PCSK5: variants seen among roughly 807,000 people sequenced by gnomAD.
PCSK5 encodes proprotein convertase subtilisin/kexin type 5, also known as prohormone convertase 5.
Under a neutral mutation model 233.2 loss-of-function variants are expected in PCSK5, and 129 were observed. That is an observed-to-expected ratio of 0.55 (90% CI 0.48 to 0.64). The LOEUF is 0.64. PCSK5 is among the 30% of genes least tolerant of loss of function. PCSK5 has a pLI of 0.00. For synonymous variants in PCSK5, 825 were observed against 879.2 expected (o/e 0.94, Z 1.09); for missense variants, 2,076 against 2,430.1 (o/e 0.85, Z 3.06).
chr9:76,282,107 A>T (rs1327291787), intron 24 of PCSK5, among the ~76,000 whole-genome samples: 10 of 45,606 alleles, frequency 2.2e-4, no homozygotes, highest in Admixed American at 7.9e-4. Context: ...GGAGTGCACC[A>T]TTCTTTTCTT....
intron 10 of PCSK5, among the ~76,000 whole-genome samples, chr9:76,144,818 TAG>T (rs1438034244): frequency 6.6e-6 from 1 of 152,204 alleles, no homozygotes; most frequent in Non-Finnish European, 1.5e-5. Flanking sequence ...TCAGTGTTAC[TAG>T]AGTCAAATAA....
intron 20 of PCSK5, among the ~76,000 whole-genome samples, chr9:76,203,742 T>A (rs1000980102): frequency 6.6e-6 from 1 of 152,194 alleles, no homozygotes; most frequent in African/African-American, 2.4e-5. Flanking sequence ...TAACTTGTGA[T>A]GGCAGCAGTG....
At chr9:76,338,205 A>T (rs748534482) in intron 34 of PCSK5, 25 bp from the exon 35 acceptor site, 35 of 1,556,452 alleles carry the variant, frequency 2.2e-5, no homozygotes, top group Non-Finnish European at 2.8e-5. Flanking sequence ...TTACTATTCC[A>T]TCTTTTCTTC....
In PCSK5 at chr9:76,137,118, A is replaced by T. The variant is rs61212674; in HGVS notation, c.1312+2906A>T. Among the ~76,000 whole-genome samples the T allele has an allele frequency of 2.6e-5, 4 of 152,174 alleles. No homozygotes were observed. In the South Asian group the frequency reaches 8.3e-4, roughly 32 times the overall value. On this transcript the variant is annotated intron_variant, in intron 10 of 37. Transcript: ENST00000674117. ...CCATTCTTACCCACATGTGTTATGG[A>T]CTGGAACAGGGAAGGGTTTCTCGTC...
intron 32 of PCSK5, among the ~76,000 whole-genome samples, chr9:76,326,295 G>A (rs894962003): frequency 6.6e-6 from 1 of 152,020 alleles, no homozygotes; most frequent in Non-Finnish European, 1.5e-5. Context: ...CTGAGATGGG[G>A]GGATCACTTT....
intron 24 of PCSK5, among the ~76,000 whole-genome samples, chr9:76,253,097 G>A (rs936267149): frequency 1.3e-5 from 2 of 152,096 alleles, no homozygotes; most frequent in Non-Finnish European, 2.9e-5. Flanking sequence ...TTGTAAAACC[G>A]CTGCTCAGCA....
chr9:76,133,324 A>G (rs118111570), intron 9 of PCSK5, among the ~76,000 whole-genome samples: 155 of 152,214 alleles, frequency 1.0e-3, no homozygotes, highest in Non-Finnish European at 1.9e-3. Context: ...TACATAGTCT[A>G]TGAAAGGGAA....
chr9:76,214,925 A>G (rs900251146), intron 20 of PCSK5, among the ~76,000 whole-genome samples: 2 of 152,190 alleles, frequency 1.3e-5, no homozygotes, highest in South Asian at 4.1e-4. Context: ...CCCAAACAAT[A>G]CAACTACAAC....
intron 35 of PCSK5, among the ~76,000 whole-genome samples, chr9:76,343,141 A>G (rs777422779): frequency 2.0e-5 from 3 of 149,866 alleles, no homozygotes; most frequent in Non-Finnish European, 3.0e-5. Context: ...TTAAAAAACA[A>G]CTCTCTACTG....
intron 24 of PCSK5, among the ~76,000 whole-genome samples, chr9:76,255,582 C>G (rs897313928): frequency 6.6e-6 from 1 of 152,108 alleles, no homozygotes; most frequent in African/African-American, 2.4e-5. Flanking sequence ...GCACTTTGGG[C>G]AGTTAAGGTG....
intron 20 of PCSK5, among the ~76,000 whole-genome samples, chr9:76,220,452 G>T (rs1416929114): frequency 1.3e-5 from 2 of 151,080 alleles, no homozygotes; most frequent in African/African-American, 4.9e-5. Flanking sequence ...GCTTGAACAT[G>T]GGAGGCAGAG....
At chr9:76,151,008 TAA>T (rs10624054) in intron 10 of PCSK5, among the ~76,000 whole-genome samples, 6 of 142,314 alleles carry the variant, frequency 4.2e-5, no homozygotes, top group Non-Finnish European at 6.2e-5. Flanking sequence ...CTTTTTACAT[TAA>T]AAAAAAAAAA....
intron 1 of PCSK5, among the ~76,000 whole-genome samples, chr9:75,910,630 T>A (rs7847489): frequency 0.026 from 3,968 of 152,052 alleles, 185 homozygotes; most frequent in African/African-American, 0.091. Flanking sequence ...GTGTTGCAGG[T>A]TGTCTTTTAT....
At chr9:76,286,595 A>G (rs12336336) in intron 24 of PCSK5, 3,785 of 155,952 alleles carry the variant, frequency 0.024, 145 homozygotes, top group African/African-American at 0.084. Flanking sequence ...AGGTGGTCCT[A>G]TTGAGTGGAA....
At chr9:76,041,676 C>T (rs1829125120) in intron 5 of PCSK5, among the ~76,000 whole-genome samples, 1 of 151,914 alleles carries the variant, frequency 6.6e-6, no homozygotes, top group African/African-American at 2.4e-5. Flanking sequence ...CCCGTCTCTA[C>T]TAAAAATACA....
At chr9:75,902,572 AG>A in intron 1 of PCSK5, among the ~76,000 whole-genome samples, 1 of 152,174 alleles carries the variant, frequency 6.6e-6, no homozygotes, top group Non-Finnish European at 1.5e-5. Flanking sequence ...GATAAGGTCC[AG>A]GGTATGGAGA....
chr9:75,978,714 A>G (rs1826132602), intron 2 of PCSK5, among the ~76,000 whole-genome samples: 1 of 152,206 alleles, frequency 6.6e-6, no homozygotes, highest in South Asian at 2.1e-4. Flanking sequence ...GATTCATCCA[A>G]CAACTGATAT....
chr9:76,221,541 A>G (rs1439941582), intron 20 of PCSK5, among the ~76,000 whole-genome samples: 2 of 152,198 alleles, frequency 1.3e-5, no homozygotes, highest in Non-Finnish European at 2.9e-5. Context: ...TAAATATTAC[A>G]TAGAACAGCA....
intron 28 of PCSK5, among the ~76,000 whole-genome samples, chr9:76,302,959 C>CTTTTTTTTTTT (rs10552673): frequency 1.1e-4 from 10 of 87,470 alleles, no homozygotes; most frequent in Admixed American, 1.5e-4. Context: ...CAAAGTGGTT[C>CTTTTTTTTTTT]TTTTTTTTTT....
Sources: allele counts gnomAD v4.1 joint callset (sites outside exome capture counted in the v4.1 genomes callset), GRCh38; gene constraint gnomAD v4.1.1; transcripts MANE v1.5; gene names NCBI Gene and HGNC (gene_info 2026-07-23, HGNC 2026-07-21).